GFRA2: variants seen among roughly 807,000 people sequenced by gnomAD.
The protein encoded by GFRA2 is GDNF family receptor alpha 2.
Under a neutral mutation model 48.3 loss-of-function variants are expected in GFRA2, and 17 were observed. That is an observed-to-expected ratio of 0.35 (90% CI 0.24 to 0.53). The LOEUF (loss-of-function observed/expected upper bound fraction) is 0.53. Among genes scored for constraint, GFRA2 ranks in the 20% least tolerant of loss-of-function variants. The pLI is 0.93. For missense variants in GFRA2, 660 were observed against 637.3 expected (o/e 1.04, Z -0.38); for synonymous variants, 305 against 257.2 (o/e 1.19, Z -1.78).
chr8:21,759,205 G>A (rs113374130), intron 3 of GFRA2, among the ~76,000 whole-genome samples: 5,982 of 151,926 alleles, frequency 0.039, 366 homozygotes, highest in African/African-American at 0.14. Context: ...GGCCAACATG[G>A]CAAAACCCCG....
chr8:21,713,985 A>G (rs1232112591), intron 4 of GFRA2, among the ~76,000 whole-genome samples: 1 of 152,196 alleles, frequency 6.6e-6, no homozygotes, highest in Admixed American at 6.5e-5. Context: ...CGTGGCAAAG[A>G]GTGCACGTGT....
intron 4 of GFRA2, among the ~76,000 whole-genome samples, chr8:21,739,855 G>A (rs758558301): frequency 6.6e-5 from 10 of 152,232 alleles, no homozygotes; most frequent in Non-Finnish European, 1.2e-4. Context: ...GGCAGCCCGA[G>A]AGCTGGCTTC....
intron 4 of GFRA2, among the ~76,000 whole-genome samples, chr8:21,717,984 T>G (rs528321708): frequency 6.6e-6 from 1 of 152,338 alleles, no homozygotes; most frequent in South Asian, 2.1e-4. Context: ...GAACCTTGGC[T>G]CAGCAACTCT....
At chr8:21,709,549 G>C (rs543261676) in intron 4 of GFRA2, among the ~76,000 whole-genome samples, 3 of 152,186 alleles carry the variant, frequency 2.0e-5, no homozygotes, top group Non-Finnish European at 4.4e-5. Context: ...AAGCGTGGAC[G>C]CAACATCAGA....
chr8:21,716,533 GC>G (rs1215847737), intron 4 of GFRA2, among the ~76,000 whole-genome samples: 1 of 152,258 alleles, frequency 6.6e-6, no homozygotes, highest in East Asian at 1.9e-4. Flanking sequence ...AGGCAAGGGG[GC>G]CCCTGGGAAA....
At position 21,811,974 on chromosome 8, in the gene GFRA2, G is replaced by GA. The variant is rs369911770; in HGVS notation, c.-148+256dup. Among the ~76,000 whole-genome samples, 718 of 152,180 alleles carry GA rather than the reference G, an allele frequency of 4.7e-3. 5 individuals carry two copies. The highest frequency in any genetic ancestry group is 0.017 in the African/African-American group (696 of 41,496). ...GCCCTTTGATTACTTCACCAACACT[G>GA]AAAATCAAGATTGGCAACTCTTCCC... On this transcript the variant is annotated intron_variant, in intron 1 of 10. Transcript: ENST00000517328.
intron 4 of GFRA2, among the ~76,000 whole-genome samples, chr8:21,709,861 G>A (rs913135598): frequency 3.9e-5 from 6 of 152,288 alleles, no homozygotes; most frequent in East Asian, 1.9e-4. Flanking sequence ...AGCCCCACAC[G>A]CTGGAGAAGG....
intron 3 of GFRA2, among the ~76,000 whole-genome samples, chr8:21,772,840 T>C (rs1806503199): frequency 6.6e-6 from 1 of 152,102 alleles, no homozygotes; most frequent in African/African-American, 2.4e-5. Flanking sequence ...TAAGCATGAG[T>C]CCAGGGAGCA....
At chr8:21,776,622 C>T (rs1237727579) in intron 2 of GFRA2, among the ~76,000 whole-genome samples, 11 of 152,130 alleles carry the variant, frequency 7.2e-5, no homozygotes, top group Non-Finnish European at 1.6e-4. Context: ...AGGCACGTGC[C>T]ACCATGCCCA....
chr8:21,797,349 G>A (rs1395238763), intron 2 of GFRA2: 17 of 136,686 alleles, frequency 1.2e-4, no homozygotes, highest in Admixed American at 1.6e-4. Flanking sequence ...GGATTGCAGC[G>A]GTGCCATCAT....
intron 3 of GFRA2, among the ~76,000 whole-genome samples, chr8:21,765,223 C>T (rs1356591677): frequency 6.6e-6 from 1 of 152,104 alleles, no homozygotes; most frequent in East Asian, 1.9e-4. Flanking sequence ...GCAATCCTCC[C>T]ACCTCAGCCT....
intron 4 of GFRA2, among the ~76,000 whole-genome samples, chr8:21,712,730 TGAAC>T (rs1447566360): frequency 6.6e-6 from 1 of 152,002 alleles, no homozygotes; most frequent in Non-Finnish European, 1.5e-5. Context: ...GAGCACTGAG[TGAAC>T]GAGACTCCGT....
intron 2 of GFRA2, among the ~76,000 whole-genome samples, chr8:21,776,037 G>GTGTGTGTGTGTGTGTGTGTGTGTA (rs549952048): frequency 1.4e-4 from 19 of 139,900 alleles, no homozygotes; most frequent in South Asian, 2.3e-4. Context: ...GTGTGTGTGT[G>GTGTGTGTGTGTGTGTGTGTGTGTA]TGTAGTGAAA....
chr8:21,746,098 A>G lies in GFRA2; in HGVS notation c.794+4490T>C, dbSNP rs531837463. Among the ~76,000 whole-genome samples the G allele has an allele frequency of 3.9e-5, 6 of 152,284 alleles. No homozygotes were observed. In the South Asian group the frequency reaches 1.2e-3, roughly 32 times the overall value. ...TGATCGATGAAGAGCCCCCCAGGGC[A>G]TGAGGAGTGAAATAGCCCACTGAAG... On this transcript the variant is annotated intron_variant, in intron 4 of 8. Coordinates refer to ENST00000524240, the MANE Select transcript of GFRA2 (RefSeq NM_001495.5).
At chr8:21,734,892 G>A (rs1804373459) in intron 4 of GFRA2, among the ~76,000 whole-genome samples, 1 of 152,176 alleles carries the variant, frequency 6.6e-6, no homozygotes, top group African/African-American at 2.4e-5. Flanking sequence ...GCTGGGAACT[G>A]CCCAGGGCAA....
intron 3 of GFRA2, among the ~76,000 whole-genome samples, chr8:21,759,958 G>C (rs1341503416): frequency 6.6e-6 from 1 of 151,522 alleles, no homozygotes; most frequent in Non-Finnish European, 1.5e-5. Context: ...ACATCAAGTT[G>C]AGGTAGAATG....
intron 1 of GFRA2, among the ~76,000 whole-genome samples, chr8:21,807,851 TC>T (rs1807901671): frequency 1.3e-5 from 2 of 152,250 alleles, no homozygotes; most frequent in African/African-American, 2.4e-5. Context: ...AACATGGACA[TC>T]ATAACGCCTC....
intron 1 of GFRA2, among the ~76,000 whole-genome samples, chr8:21,811,371 G>A (rs908640590): frequency 1.3e-5 from 2 of 152,160 alleles, no homozygotes; most frequent in African/African-American, 2.4e-5. Context: ...ATCCTAACAT[G>A]TGACTTTACC....
At chr8:21,797,492 G>T (rs1807698898) in intron 2 of GFRA2, 1 of 151,978 alleles carries the variant, frequency 6.6e-6, no homozygotes, top group South Asian at 2.1e-4. Context: ...GTGCCATTGA[G>T]CTGTTGGACT....
Sources: allele counts gnomAD v4.1 joint callset (sites outside exome capture counted in the v4.1 genomes callset), GRCh38; gene constraint gnomAD v4.1.1; transcripts MANE v1.5; gene names NCBI Gene and HGNC (gene_info 2026-07-23, HGNC 2026-07-21).